Variants in SNX18 observed in about 807,000 individuals in gnomAD.
The protein encoded by SNX18 is sorting nexin 18.
In SNX18, 35 loss-of-function variants were observed where a neutral mutation model predicts 48.7. That is an observed-to-expected ratio of 0.72 (90% CI 0.55 to 0.95). The LOEUF is 0.95. SNX18 is among the 40% of genes least tolerant of loss of function. The probability of loss-of-function intolerance (pLI) is 0.00; values close to 1 mark genes in which losing one functional copy is unlikely to be tolerated. For synonymous variants in SNX18, 492 were observed against 384.7 expected, an observed-to-expected ratio of 1.28 and a Z score of -3.26; for missense variants, 824 against 871.0, an observed-to-expected ratio of 0.95 and a Z score of 0.68.
chr5:54,575,735 A>G, the SNX18 span, among the ~76,000 whole-genome samples: 3 of 151,964 alleles, frequency 2.0e-5, no homozygotes, highest in Admixed American at 1.3e-4. Flanking sequence ...CCACCCCACC[A>G]TACCAGGAGA....
At chr5:54,598,500 C>G in the SNX18 span, among the ~76,000 whole-genome samples, 1 of 152,062 alleles carries the variant, frequency 6.6e-6, no homozygotes, top group East Asian at 1.9e-4. Flanking sequence ...ACTGGCAAAC[C>G]GAATCCAGCA....
chr5:54,594,848 C>A, the SNX18 span, among the ~76,000 whole-genome samples: 1 of 152,142 alleles, frequency 6.6e-6, no homozygotes, highest in Non-Finnish European at 1.5e-5. Flanking sequence ...CTAGTAATCC[C>A]TAGTGTCTAT....
chr5:54,531,406 C>T (rs1414685168), intron 1 of SNX18, among the ~76,000 whole-genome samples: 1 of 152,060 alleles, frequency 6.6e-6, no homozygotes, highest in Non-Finnish European at 1.5e-5. Flanking sequence ...TGAAGGGAGT[C>T]TTAGAAAATC....
chr5:54,640,323 C>T, the SNX18 span, among the ~76,000 whole-genome samples: 1 of 151,926 alleles, frequency 6.6e-6, no homozygotes, highest in Non-Finnish European at 1.5e-5. Flanking sequence ...AAGCGACTTT[C>T]CTGCTTTATC....
At chr5:54,569,985 G>A in the SNX18 span, among the ~76,000 whole-genome samples, 1 of 152,210 alleles carries the variant, frequency 6.6e-6, no homozygotes, top group Non-Finnish European at 1.5e-5. Context: ...ACTGGGTTGA[G>A]TTGTGTCCCC....
chr5:54,630,405 C>T, the SNX18 span, among the ~76,000 whole-genome samples: 1 of 152,148 alleles, frequency 6.6e-6, no homozygotes, highest in African/African-American at 2.4e-5. Context: ...AGTATCTGCA[C>T]CCTCACTGCT....
the SNX18 span, among the ~76,000 whole-genome samples, chr5:54,576,147 C>A: frequency 6.6e-6 from 1 of 152,174 alleles, no homozygotes; most frequent in Admixed American, 6.5e-5. Flanking sequence ...TGCCAGACAT[C>A]TGAGTGAGTG....
At chr5:54,579,567 T>C in the SNX18 span, among the ~76,000 whole-genome samples, 1 of 152,212 alleles carries the variant, frequency 6.6e-6, no homozygotes, top group Non-Finnish European at 1.5e-5. Context: ...TCACTTGCAG[T>C]TGGAGAGAAG....
At chr5:54,626,610 C>G in the SNX18 span, among the ~76,000 whole-genome samples, 6 of 152,290 alleles carry the variant, frequency 3.9e-5, no homozygotes, top group East Asian at 9.6e-4. Context: ...GTTTCTCAAC[C>G]AGGGATAATT....
chr5:54,539,558 T>C (rs1453388457), intron 1 of SNX18, among the ~76,000 whole-genome samples: 3 of 152,164 alleles, frequency 2.0e-5, no homozygotes, highest in Non-Finnish European at 4.4e-5. Flanking sequence ...GAAAGCCATA[T>C]TCAACTCCCA....
At chr5:54,622,422 C>A in the SNX18 span, among the ~76,000 whole-genome samples, 1 of 151,694 alleles carries the variant, frequency 6.6e-6, no homozygotes, top group Non-Finnish European at 1.5e-5. Flanking sequence ...TCGTTTGAGC[C>A]CAGGAGGTTG....
Position 54,523,489 on chromosome 5 carries a change from AGAGGGAGTTCC to A in SNX18, c.1621+3917_1621+3927del, listed in dbSNP as rs1561114482. On this transcript the variant is annotated intron_variant, in intron 1 of 1. Coordinates refer to ENST00000381410, the MANE Select transcript of SNX18 (RefSeq NM_001102575.2). ...GAATTTGGACTAAATAAAAATGGCTAGAGGGAGTTCCTTTAAGTGAAATGTCTTTCTTCTAG... is the reference window on the plus strand; with the variant it reads ...GAATTTGGACTAAATAAAAATGGCTATTTAAGTGAAATGTCTTTCTTCTAG... Among the ~76,000 whole-genome samples the A allele has an allele frequency of 3.9e-3, 595 of 152,358 alleles. 2 individuals carry two copies. Among genetic ancestry groups the A allele is most frequent in the African/African-American group, 0.014 (571 of 41,580 alleles).
rs892174377 is a variant in SNX18, at chr5:54,543,905, T to C, written c.*473T>C. 6.5e-6 allele frequency: 1 copy of C among 153,218 alleles called. No homozygotes were observed. Among genetic ancestry groups the C allele is most frequent in the African/African-American group, 2.4e-5 (1 of 41,456 alleles). 9.5% of individuals were successfully genotyped at this position (153,218 alleles called of 1,614,324 possible). On this transcript the variant is annotated 3_prime_UTR_variant, in exon 2 of 2. Transcript: ENST00000381410. ...TATGCGACCTTGTGCCTTTAGACTC[T>C]TGGTTTTTCATTTCTCCCCGTCCCT...
the SNX18 span, among the ~76,000 whole-genome samples, chr5:54,590,674 C>A: frequency 6.6e-6 from 1 of 152,222 alleles, no homozygotes; most frequent in East Asian, 1.9e-4. Context: ...ACTAAGCAGA[C>A]ATTAAATGGG....
the SNX18 span, among the ~76,000 whole-genome samples, chr5:54,632,568 G>A: frequency 2.0e-5 from 3 of 152,100 alleles, no homozygotes; most frequent in African/African-American, 7.2e-5. Context: ...TTTTTGTGGT[G>A]TGGTCTTTAC....
intron 1 of SNX18, among the ~76,000 whole-genome samples, chr5:54,540,677 A>G (rs1288158681): frequency 1.3e-5 from 2 of 152,226 alleles, no homozygotes; most frequent in African/African-American, 2.4e-5. Flanking sequence ...GAGCTTCTCT[A>G]TACTGGACTC....
chr5:54,538,775 G>T (rs1294124758), intron 1 of SNX18, among the ~76,000 whole-genome samples: 1 of 152,040 alleles, frequency 6.6e-6, no homozygotes, highest in Admixed American at 6.5e-5. Context: ...TTTTTAATTT[G>T]TTTTAAGTAT....
At chr5:54,547,191 A>G (rs1762589565), downstream of SNX18, among the ~76,000 whole-genome samples, 1 of 152,214 alleles carries the variant, frequency 6.6e-6, no homozygotes, top group African/African-American at 2.4e-5. Context: ...GGACATCTGG[A>G]CAAATCACCT....
intron 1 of SNX18, among the ~76,000 whole-genome samples, chr5:54,533,944 A>AG (rs1199077154): frequency 6.6e-6 from 1 of 152,198 alleles, no homozygotes; most frequent in Admixed American, 6.5e-5. Flanking sequence ...TTAGTAGGGA[A>AG]GGCCAGGGTG....
Sources: gnomAD v4.1 joint callset for allele counts (sites outside exome capture counted in the v4.1 genomes callset) on GRCh38, gnomAD v4.1.1 for gene constraint, MANE v1.5 for transcripts, NCBI Gene and HGNC (gene_info 2026-07-23, HGNC 2026-07-21) for gene names.